The following LYPD6B variants were observed in gnomAD, a reference collection of about 807,000 sequenced individuals.
LYPD6B encodes the protein ly6/PLAUR domain-containing protein 6B.
Under a neutral mutation model 22.8 loss-of-function variants are expected in LYPD6B, and 17 were observed. The observed-to-expected ratio is 0.75, with a 90% confidence interval of 0.51 to 1.12. LYPD6B has a LOEUF of 1.12. Ranked by LOEUF, LYPD6B falls within the 50% of genes most tolerant of loss-of-function variation. LYPD6B has a pLI of 0.00. For synonymous variants in LYPD6B, 106 were observed against 91.6 expected (o/e 1.16, Z -0.90); for missense variants, 221 against 258.3 (o/e 0.86, Z 0.99).
At chr2:149,192,074 G>A (rs886518745) in intron 3 of LYPD6B, among the ~76,000 whole-genome samples, 14 of 144,226 alleles carry the variant, frequency 9.7e-5, no homozygotes, top group African/African-American at 1.5e-4. Flanking sequence ...TAGGTAAAGC[G>A]TGTTAAGGAG....
chr2:149,087,546 A>G (rs1034255597), intron 1 of LYPD6B, among the ~76,000 whole-genome samples: 4 of 152,142 alleles, frequency 2.6e-5, no homozygotes, highest in African/African-American at 9.7e-5. Flanking sequence ...AGCCTGGGCA[A>G]CAGAGTGTGA....
intron 3 of LYPD6B, among the ~76,000 whole-genome samples, chr2:149,199,820 G>A (rs1693042501): frequency 3.3e-5 from 5 of 152,260 alleles, no homozygotes; most frequent in African/African-American, 4.8e-5. Flanking sequence ...GGTTCCCAAC[G>A]CCCAGGGAAG....
chr2:149,080,867 A>AAAAAAAAAT (rs1491182913), intron 1 of LYPD6B, among the ~76,000 whole-genome samples: 10 of 108,682 alleles, frequency 9.2e-5, no homozygotes, highest in Non-Finnish European at 1.2e-4. Context: ...AAAAAAAAAA[A>AAAAAAAAAT]CCACACAAAA....
At chr2:149,195,014 A>G (rs534531092) in intron 3 of LYPD6B, among the ~76,000 whole-genome samples, 3 of 152,342 alleles carry the variant, frequency 2.0e-5, no homozygotes, top group Admixed American at 2.0e-4. Context: ...GGTAACTTAA[A>G]AGAAGAATGT....
At chr2:149,057,642 C>G (rs10930016) in intron 1 of LYPD6B, among the ~76,000 whole-genome samples, 39,838 of 152,124 alleles carry the variant, frequency 0.26, 5,951 homozygotes, top group East Asian at 0.7. Context: ...GTGGAGCAAA[C>G]AGCATTTCAA....
intron 3 of LYPD6B, among the ~76,000 whole-genome samples, chr2:149,197,157 A>G (rs1692860641): frequency 6.6e-6 from 1 of 152,234 alleles, no homozygotes; most frequent in Admixed American, 6.5e-5. Flanking sequence ...TTTCATTTAT[A>G]TACCTGATAG....
intron 1 of LYPD6B, among the ~76,000 whole-genome samples, chr2:149,086,743 G>A (rs1685413107): frequency 6.6e-6 from 1 of 152,158 alleles, no homozygotes; most frequent in Admixed American, 6.5e-5. Context: ...GAGGCTGGGA[G>A]TCCAAGATTA....
intron 2 of LYPD6B, among the ~76,000 whole-genome samples, chr2:149,140,980 G>A (rs1453502356): frequency 6.6e-6 from 1 of 152,112 alleles, no homozygotes; most frequent in African/African-American, 2.4e-5. Context: ...TATTTATTTG[G>A]TGCCTACTGT....
chr2:149,097,100 A>G (rs1457594471), intron 1 of LYPD6B, among the ~76,000 whole-genome samples: 2 of 152,236 alleles, frequency 1.3e-5, no homozygotes, highest in Admixed American at 6.5e-5. Flanking sequence ...GCTGTGCATT[A>G]TTAGAGAAGT....
chr2:149,189,695 T>C (rs1048849265), intron 3 of LYPD6B, among the ~76,000 whole-genome samples: 4 of 152,068 alleles, frequency 2.6e-5, no homozygotes, highest in African/African-American at 9.7e-5. Flanking sequence ...TTCCTGGCTG[T>C]TGATCTTCCT....
intron 1 of LYPD6B, among the ~76,000 whole-genome samples, chr2:149,088,095 T>TCCCCCCCC (rs11462284): frequency 6.9e-6 from 1 of 144,546 alleles, no homozygotes; most frequent in African/African-American, 2.6e-5. Context: ...CTCCTGTTGC[T>TCCCCCCCC]CCCCCCACCC....
At chr2:149,097,869 T>C (rs1184557883) in intron 1 of LYPD6B, among the ~76,000 whole-genome samples, 1 of 152,182 alleles carries the variant, frequency 6.6e-6, no homozygotes, top group African/African-American at 2.4e-5. Flanking sequence ...TCAACAGATT[T>C]TTTTGGGGTA....
At chr2:149,155,910 T>C (rs1194173273) in intron 2 of LYPD6B, among the ~76,000 whole-genome samples, 1 of 152,228 alleles carries the variant, frequency 6.6e-6, no homozygotes, top group Admixed American at 6.5e-5. Context: ...CGATTATTTA[T>C]GAATCAAGCC....
intron 2 of LYPD6B, among the ~76,000 whole-genome samples, chr2:149,144,465 C>T (rs886494742): frequency 6.6e-6 from 1 of 152,170 alleles, no homozygotes; most frequent in Non-Finnish European, 1.5e-5. Flanking sequence ...GATCTTGGCT[C>T]ACTGTACTTT....
chr2:149,160,789 T>G lies in LYPD6B; in HGVS notation c.31T>G (p.Phe11Val), dbSNP rs1690007703. Residue 11 changes from phenylalanine (F) to valine (V), a missense_variant, in exon 3 of 7, where the codon TTC (phenylalanine) becomes GTC (valine). Coordinates refer to ENST00000409642, the MANE Select transcript of LYPD6B (RefSeq NM_177964.5). Reference sequence around the variant, plus strand: ...GCTGATTACTCTGAGTGCAAACCTTTTCACTGTTCCAGAGAGGAGCCTGAC... The same window carrying G: ...GCTGATTACTCTGAGTGCAAACCTTGTCACTGTTCCAGAGAGGAGCCTGAC... MLLITLSANL[F>V]TVPERSLTTT... 6.4e-7 allele frequency: 1 copy of G among 1,556,642 alleles called. No homozygotes were observed. The highest frequency in any genetic ancestry group is 8.7e-7 in the Non-Finnish European group (1 of 1,148,968).
At chr2:149,137,728 C>T (rs1040454241) in intron 2 of LYPD6B, among the ~76,000 whole-genome samples, 1 of 151,892 alleles carries the variant, frequency 6.6e-6, no homozygotes, top group African/African-American at 2.4e-5. Flanking sequence ...CTTTCATAAA[C>T]AACACATCTG....
chr2:149,085,084 G>A (rs1025560089), intron 1 of LYPD6B, among the ~76,000 whole-genome samples: 3 of 152,192 alleles, frequency 2.0e-5, no homozygotes, highest in Admixed American at 6.5e-5. Flanking sequence ...TGAGCTGTTC[G>A]TGCATTGATC....
chr2:149,135,501 C>T (rs1415722844), intron 2 of LYPD6B, among the ~76,000 whole-genome samples: 2 of 151,732 alleles, frequency 1.3e-5, no homozygotes, highest in African/African-American at 4.8e-5. Flanking sequence ...GGGTGGATCA[C>T]CTGAGGTCAG....
chr2:149,130,258 G>A (rs769915696), intron 1 of LYPD6B, among the ~76,000 whole-genome samples: 23 of 152,268 alleles, frequency 1.5e-4, no homozygotes, highest in Non-Finnish European at 2.9e-4. Flanking sequence ...ATTTCCAGAT[G>A]TATGACGTTT....
Sources: allele counts gnomAD v4.1 joint callset (sites outside exome capture counted in the v4.1 genomes callset), GRCh38; gene constraint gnomAD v4.1.1; transcripts MANE v1.5; gene names NCBI Gene and HGNC (gene_info 2026-07-23, HGNC 2026-07-21).